The following GSE1 variants were observed in gnomAD, a reference collection of about 807,000 sequenced individuals.
GSE1 encodes the protein genetic suppressor element 1.
GSE1 carries 32 observed loss-of-function variants against 112.6 expected under a neutral mutation model. That is an observed-to-expected ratio of 0.28 (90% CI 0.21 to 0.38). The LOEUF (loss-of-function observed/expected upper bound fraction) is 0.38. Ranked by LOEUF, GSE1 falls within the 10% of genes least tolerant of loss-of-function variation. The pLI is 1.00. For synonymous variants in GSE1, 1,115 were observed against 735.6 expected (o/e 1.52, Z -8.35); for missense variants, 2,348 against 1,699.2 (o/e 1.38, Z -6.71).
At position 85,465,263 on chromosome 16, in the gene GSE1, T is replaced by A. The variant is rs545504280; in HGVS notation, c.2464+107620T>A. Among the ~76,000 whole-genome samples, 291 of 152,320 alleles carry A rather than the reference T, an allele frequency of 1.9e-3. 1 individual carries two copies. The highest frequency in any genetic ancestry group is 3.0e-3 in the Non-Finnish European group (201 of 68,014). On this transcript the variant is annotated intron_variant, in intron 2 of 2. Coordinates refer to the GSE1 transcript ENST00000637419. Reference sequence around the variant, plus strand: ...CCTGGAGCTCCTGCCTCCCCAGCTCTCCTGCCAACCGAATCTCATGCTGCT... The same window carrying A: ...CCTGGAGCTCCTGCCTCCCCAGCTCACCTGCCAACCGAATCTCATGCTGCT...
chr16:85,313,943 TGTGTGACATAGCCTA>T (rs1426926576), intron 1 of GSE1, among the ~76,000 whole-genome samples: 111 of 142,172 alleles, frequency 7.8e-4, no homozygotes, highest in African/African-American at 3.4e-3. Flanking sequence ...TGTGTGTGTG[TGTGTGACATAGCCTA>T]GTGTGTGTGT....
At chr16:85,401,225 T>A (rs2048107675) in intron 2 of GSE1, among the ~76,000 whole-genome samples, 1 of 152,180 alleles carries the variant, frequency 6.6e-6, no homozygotes, top group South Asian at 2.1e-4. Flanking sequence ...GCTCCTGATT[T>A]CACATTATTC....
At chr16:85,604,379 G>A (rs1308719913) in intron 1 of GSE1, among the ~76,000 whole-genome samples, 4 of 152,064 alleles carry the variant, frequency 2.6e-5, no homozygotes, top group African/African-American at 9.7e-5. Flanking sequence ...TCACTGTATG[G>A]ATAAACCATG....
chr16:85,660,256 C>T (rs780512606), intron 8 of GSE1, among the ~76,000 whole-genome samples: 8 of 152,204 alleles, frequency 5.3e-5, no homozygotes, highest in Non-Finnish European at 8.8e-5. Flanking sequence ...CTGGATCTGT[C>T]CCAGGCCTGA....
At chr16:85,366,357 G>A (rs189147940) in intron 2 of GSE1, among the ~76,000 whole-genome samples, 33 of 152,348 alleles carry the variant, frequency 2.2e-4, no homozygotes, top group Admixed American at 1.2e-3. Flanking sequence ...CTCCTGGCTC[G>A]TGTCACCCAC....
intron 1 of GSE1, among the ~76,000 whole-genome samples, chr16:85,613,717 TG>T (rs200775278): frequency 0.077 from 940 of 12,202 alleles, 11 homozygotes; most frequent in African/African-American, 0.22. Context: ...AGTGGGGGGA[TG>T]GGGGTGGCGG....
chr16:85,483,728 G>A (rs560536837), intron 2 of GSE1, among the ~76,000 whole-genome samples: 8 of 152,270 alleles, frequency 5.3e-5, no homozygotes, highest in South Asian at 2.1e-4. Flanking sequence ...GAGGGAGCCC[G>A]TCCCCGTGTA....
intron 2 of GSE1, among the ~76,000 whole-genome samples, chr16:85,450,594 G>A (rs1334125396): frequency 7.3e-5 from 11 of 151,536 alleles, no homozygotes; most frequent in Admixed American, 2.6e-4. Flanking sequence ...GATTACAGGC[G>A]CCCGCTACCA....
chr16:85,345,768 A>G (rs559747385), intron 1 of GSE1, among the ~76,000 whole-genome samples: 1 of 152,350 alleles, frequency 6.6e-6, no homozygotes, highest in East Asian at 1.9e-4. Context: ...AGGGATTTTT[A>G]GCTGTTTTTC....
chr16:85,578,806 C>T (rs964513419), intron 1 of GSE1, among the ~76,000 whole-genome samples: 7 of 152,182 alleles, frequency 4.6e-5, no homozygotes. Flanking sequence ...TGCTCAGATG[C>T]CACCTTTGAG....
At chr16:85,497,602 C>T (rs570310619) in intron 2 of GSE1, among the ~76,000 whole-genome samples, 1 of 152,194 alleles carries the variant, frequency 6.6e-6, no homozygotes, top group Non-Finnish European at 1.5e-5. Flanking sequence ...TGAAAGGGAC[C>T]AGGCCTCCTA....
chr16:85,309,593 G>T (rs7189397), intron 1 of GSE1, among the ~76,000 whole-genome samples: 1 of 151,840 alleles, frequency 6.6e-6, no homozygotes, highest in Non-Finnish European at 1.5e-5. Context: ...TAGCGTCCTC[G>T]AGGCACGTGG....
rs1308884997 is a variant in GSE1 at position 85,373,690 on chromosome 16, G to C, written c.2464+16047G>C. ...AGAGCAGGTGCTCCAGGGAGATTCT[G>C]GAGTGAACAGGTGTGTGGCGGGTGG... On this transcript the variant is annotated intron_variant, in intron 2 of 2. Transcript: ENST00000637419. The surrounding 1 kb of genome is among the most constrained non-coding windows in gnomAD (Gnocchi z 5.1). 6.6e-6 allele frequency among the ~76,000 whole-genome samples: 1 copy of C among 152,160 alleles called. No homozygotes were observed. Among genetic ancestry groups the C allele is most frequent in the Non-Finnish European group, 1.5e-5 (1 of 68,022 alleles).
chr16:85,444,909 G>A (rs1441367229), intron 2 of GSE1, among the ~76,000 whole-genome samples: 1 of 152,186 alleles, frequency 6.6e-6, no homozygotes, highest in Non-Finnish European at 1.5e-5. Context: ...CCTTCCCGCG[G>A]CGCTGGCTGT....
intron 2 of GSE1, among the ~76,000 whole-genome samples, chr16:85,420,977 A>G (rs565724668): frequency 7.9e-5 from 12 of 152,270 alleles, no homozygotes; most frequent in Non-Finnish European, 1.5e-4. Context: ...CTGCGCCGCC[A>G]CCGCCTGTGC....
intron 1 of GSE1, among the ~76,000 whole-genome samples, chr16:85,336,821 A>G (rs187995891): frequency 1.3e-5 from 2 of 152,304 alleles, no homozygotes; most frequent in African/African-American, 4.8e-5. Context: ...AGGCACTCAT[A>G]TGTATACATA....
rs543351755 is a variant in GSE1 at position 85,404,031 on chromosome 16, C to A, written c.2464+46388C>A. Among the ~76,000 whole-genome samples, 73 of 152,272 alleles carry A rather than the reference C, an allele frequency of 4.8e-4. 2 individuals are homozygous for A. The South Asian group carries it at 0.014, about 29-fold the overall frequency. On this transcript the variant is annotated intron_variant, in intron 2 of 2. Transcript: ENST00000637419. ...TCTGTGCCGTCCTTACGGGGCCTTT[C>A]CTCTGTGTGCGTCAGAACTCCCTCT...
At chr16:85,580,864 C>G (rs533554889) in intron 1 of GSE1, among the ~76,000 whole-genome samples, 3 of 152,250 alleles carry the variant, frequency 2.0e-5, no homozygotes, top group African/African-American at 7.2e-5. Context: ...GAGCCCTCCA[C>G]GGAAATCAAC....
chr16:85,655,687 G>C, intron 5 of GSE1, 39 bp from the exon 6 acceptor site: 2 of 1,428,946 alleles, frequency 1.4e-6, no homozygotes, highest in South Asian at 1.3e-5. Context: ...TCTTCCCCTT[G>C]GTTCATTTGC....
Sources: gnomAD v4.1 joint callset for allele counts (sites outside exome capture counted in the v4.1 genomes callset) on GRCh38, gnomAD v4.1.1 for gene constraint, Gnocchi (gnomAD v3.1) non-coding constraint, MANE v1.5 for transcripts, NCBI Gene and HGNC (gene_info 2026-07-23, HGNC 2026-07-21) for gene names.